GLRA1: variants seen among roughly 807,000 people sequenced by gnomAD.
GLRA1 encodes the protein glycine receptor alpha 1.
Under a neutral mutation model 48.3 loss-of-function variants are expected in GLRA1, and 37 were observed. The observed-to-expected ratio is 0.77, with a 90% CI of 0.59 to 1.01. The LOEUF (loss-of-function observed/expected upper bound fraction) is 1.01, where lower values mean the gene tolerates loss of function less well. GLRA1 is among the 50% of genes least tolerant of loss of function. The probability of loss-of-function intolerance (pLI) is 0.00; values close to 1 mark genes in which losing one functional copy is unlikely to be tolerated. For synonymous variants in GLRA1, 196 were observed against 210.7 expected, an observed-to-expected ratio of 0.93 and a Z score of 0.60; for missense variants, 427 against 571.0, an observed-to-expected ratio of 0.75 and a Z score of 2.57.
intron 8 of GLRA1, among the ~76,000 whole-genome samples, chr5:151,823,394 T>A (rs1421760561): frequency 1.3e-5 from 2 of 152,246 alleles, no homozygotes; most frequent in African/African-American, 4.8e-5. Context: ...AAGGTTGTAC[T>A]GGGTTTTAGT....
intron 4 of GLRA1, among the ~76,000 whole-genome samples, chr5:151,859,071 G>A (rs538198898): frequency 6.6e-6 from 1 of 152,134 alleles, no homozygotes; most frequent in African/African-American, 2.4e-5. Context: ...GCTTCATGGG[G>A]TTATTAGGAG....
At chr5:151,884,412 G>A (rs189987271) in intron 3 of GLRA1, among the ~76,000 whole-genome samples, 1 of 69,436 alleles carries the variant, frequency 1.4e-5, no homozygotes, top group South Asian at 4.2e-4. Flanking sequence ...CTGGGCAACA[G>A]GGTGAAACTC....
At chr5:151,859,652 C>G (rs1753143134) in intron 4 of GLRA1, 133 bp downstream of exon 4, 1 of 703,422 alleles carries the variant, frequency 1.4e-6, no homozygotes, top group Non-Finnish European at 2.6e-6. Flanking sequence ...CTGGGTCTAC[C>G]TATTCTGCAA....
chr5:151,897,027 G>T (rs1433240670), intron 1 of GLRA1, among the ~76,000 whole-genome samples: 2 of 152,170 alleles, frequency 1.3e-5, no homozygotes, highest in Admixed American at 6.5e-5. Flanking sequence ...GATTGGAAGA[G>T]AATTGGTTCA....
At chr5:151,879,674 A>G (rs1317750300) in intron 3 of GLRA1, among the ~76,000 whole-genome samples, 1 of 152,116 alleles carries the variant, frequency 6.6e-6, no homozygotes, top group Non-Finnish European at 1.5e-5. Context: ...TTGATTTTAC[A>G]GGCTCATAGA....
At chr5:151,872,219 T>C (rs1192620824) in intron 3 of GLRA1, among the ~76,000 whole-genome samples, 1 of 148,808 alleles carries the variant, frequency 6.7e-6, no homozygotes, top group Non-Finnish European at 1.5e-5. Flanking sequence ...ATTCTTCGTA[T>C]AAAATTAAAC....
intron 3 of GLRA1, among the ~76,000 whole-genome samples, chr5:151,881,912 G>A (rs533026527): frequency 6.6e-6 from 1 of 152,268 alleles, no homozygotes; most frequent in South Asian, 2.1e-4. Context: ...AACAAACACA[G>A]CCTGGAAAGT....
At chr5:151,834,734 A>G (rs567694117) in intron 7 of GLRA1, among the ~76,000 whole-genome samples, 1 of 152,302 alleles carries the variant, frequency 6.6e-6, no homozygotes, top group Admixed American at 6.5e-5. Flanking sequence ...AGCCAGCCTA[A>G]TAAAGAAAAG....
chr5:151,886,658 A>T, intron 3 of GLRA1, 63 bp downstream of exon 3: 1 of 1,222,422 alleles, frequency 8.2e-7, no homozygotes, highest in African/African-American at 1.5e-5. Flanking sequence ...AATGCAGAGG[A>T]TAAATATTTC....
At chr5:151,876,305 T>C (rs1237726109) in intron 3 of GLRA1, among the ~76,000 whole-genome samples, 3 of 152,182 alleles carry the variant, frequency 2.0e-5, no homozygotes, top group Non-Finnish European at 4.4e-5. Context: ...CATCCTTTGG[T>C]TCATCCCTTG....
chr5:151,823,027 AG>A (rs1561543747), intron 8 of GLRA1, 64 bp from the exon 9 acceptor site: 2 of 1,431,734 alleles, frequency 1.4e-6, no homozygotes, highest in Non-Finnish European at 1.9e-6. Context: ...CCTCCCTGCA[AG>A]GCACTCCCTT....
At chr5:151,898,986 G>A (rs1371374186) in intron 1 of GLRA1, among the ~76,000 whole-genome samples, 1 of 152,160 alleles carries the variant, frequency 6.6e-6, no homozygotes, top group Admixed American at 6.5e-5. Context: ...TAGTTTAGAA[G>A]TGATAGACAA....
At chr5:151,888,745 T>C (rs1753983435) in intron 2 of GLRA1, among the ~76,000 whole-genome samples, 1 of 152,170 alleles carries the variant, frequency 6.6e-6, no homozygotes, top group African/African-American at 2.4e-5. Flanking sequence ...ACAGCCAGGT[T>C]TGGGGACCAC....
intron 1 of GLRA1, among the ~76,000 whole-genome samples, chr5:151,900,868 A>ACTTAATAAACTT (rs1179047935): frequency 6.6e-6 from 1 of 152,186 alleles, no homozygotes; most frequent in Non-Finnish European, 1.5e-5. Flanking sequence ...CTCTTAATAA[A>ACTTAATAAACTT]CATGGTTTTC....
chr5:151,839,083 G>T (rs1231441371), intron 7 of GLRA1, among the ~76,000 whole-genome samples: 2 of 152,174 alleles, frequency 1.3e-5, no homozygotes, highest in Non-Finnish European at 2.9e-5. Flanking sequence ...ACACCATCGG[G>T]TACAGAAGAT....
chr5:151,902,134 C>T lies in GLRA1; in HGVS notation c.57-9696G>A, dbSNP rs78618229. The stretch of plus-strand genomic sequence containing the variant: ...ACAATGTAATTGATAATCGTTTGCA[C>T]ACATGTAACACTTTCAGTTTTTATG... On this transcript the variant is annotated intron_variant, in intron 1 of 8. Coordinates refer to ENST00000274576, the MANE Select transcript of GLRA1 (RefSeq NM_000171.4). Among the ~76,000 whole-genome samples, 332 of 152,276 alleles carry T rather than the reference C, an allele frequency of 2.2e-3. 2 individuals carry two copies. Among genetic ancestry groups the T allele is most frequent in the East Asian group, 0.021 (108 of 5,180 alleles).
At chr5:151,879,717 T>C (rs915108577) in intron 3 of GLRA1, among the ~76,000 whole-genome samples, 7 of 152,132 alleles carry the variant, frequency 4.6e-5, no homozygotes, top group African/African-American at 1.4e-4. Flanking sequence ...GGAAGAGACT[T>C]TGGACTGTGG....
At chr5:151,874,675 G>A (rs904511540) in intron 3 of GLRA1, among the ~76,000 whole-genome samples, 2 of 152,138 alleles carry the variant, frequency 1.3e-5, no homozygotes, top group African/African-American at 4.8e-5. Flanking sequence ...AGAACATGGT[G>A]ATGTGATAGA....
Position 151,839,406 on chromosome 5 carries a change from A to C in GLRA1, c.913-10339T>G, listed in dbSNP as rs928048194. On this transcript the variant is annotated intron_variant, in intron 7 of 8. Coordinates refer to ENST00000274576, the MANE Select transcript of GLRA1 (RefSeq NM_000171.4). ...TTTTCTCCTATCTGATTTAAAGGAC[A>C]GTTGAGTAAATCAATGATTGTAAAC... 2.6e-5 allele frequency among the ~76,000 whole-genome samples: 4 copies of C among 152,244 alleles called. No homozygotes were observed. In the South Asian group the frequency reaches 8.3e-4, roughly 32 times the overall value.
Sources: gnomAD v4.1 joint callset for allele counts (sites outside exome capture counted in the v4.1 genomes callset) on GRCh38, gnomAD v4.1.1 for gene constraint, MANE v1.5 for transcripts, NCBI Gene and HGNC (gene_info 2026-07-23, HGNC 2026-07-21) for gene names.